Variants in ADAMTS20 observed in about 807,000 individuals in gnomAD.
ADAMTS20 encodes A disintegrin and metalloproteinase with thrombospondin motifs 20.
Under a neutral mutation model 260.1 loss-of-function variants are expected in ADAMTS20, and 225 were observed. The observed-to-expected ratio is 0.87, with a 90% CI of 0.78 to 0.97. The LOEUF (loss-of-function observed/expected upper bound fraction) is 0.97. ADAMTS20 is among the 50% of genes least tolerant of loss of function. ADAMTS20 has a pLI of 0.00. For synonymous variants in ADAMTS20, 802 were observed against 769.5 expected (o/e 1.04, Z -0.70); for missense variants, 2,400 against 2,337.7 (o/e 1.03, Z -0.55).
chr12:43,533,404 G>T (rs1467834787), intron 2 of ADAMTS20, among the ~76,000 whole-genome samples: 8 of 146,616 alleles, frequency 5.5e-5, no homozygotes, highest in South Asian at 2.3e-4. Flanking sequence ...AAATACCTAG[G>T]AATCCAACTT....
intron 27 of ADAMTS20, among the ~76,000 whole-genome samples, chr12:43,426,689 AG>A (rs1284533349): frequency 6.6e-6 from 1 of 152,210 alleles, no homozygotes; most frequent in East Asian, 1.9e-4. Flanking sequence ...TGCATAACTT[AG>A]TAATAGGATT....
chr12:43,437,814 G>GA (rs1241691967), intron 18 of ADAMTS20, among the ~76,000 whole-genome samples: 1 of 151,668 alleles, frequency 6.6e-6, no homozygotes, highest in Non-Finnish European at 1.5e-5. Context: ...AATAATGAAG[G>GA]AAAATCTCAA....
Position 43,432,333 on chromosome 12 carries a change from G to A in ADAMTS20, c.3067C>T (p.Pro1023Ser). Residue 1023 changes from proline to serine, a missense_variant, in exon 21 of 39, where the codon CCC becomes TCC. Physicochemically the swap from Pro to Ser is moderately conservative, Grantham distance 74 (BLOSUM62 -1). Transcript: ENST00000389420. ...CTCCATTCACTAGCAGCCCAACTGG[G>A]ACAGGAAAATTCATTGCAATTCTCT... ...TRENCNEFSC[P>S]SWAASEWSEC... 1 of 1,613,890 alleles carries A rather than the reference G, an allele frequency of 6.2e-7. No individual in the cohort carries two copies. Among genetic ancestry groups the A allele is most frequent in the Non-Finnish European group, 8.5e-7 (1 of 1,179,858 alleles).
intron 18 of ADAMTS20, among the ~76,000 whole-genome samples, chr12:43,434,878 TC>T (rs1272879016): frequency 1.3e-5 from 2 of 152,024 alleles, no homozygotes; most frequent in Non-Finnish European, 2.9e-5. Flanking sequence ...CCTATTCCAG[TC>T]CCACCCAGCT....
chr12:43,373,827 C>T (rs577000652), intron 36 of ADAMTS20, among the ~76,000 whole-genome samples: 1 of 150,976 alleles, frequency 6.6e-6, no homozygotes, highest in East Asian at 1.9e-4. Flanking sequence ...CTACAGGCGC[C>T]CGCCACTACG....
chr12:43,365,360 C>T (rs76856740), intron 37 of ADAMTS20, among the ~76,000 whole-genome samples: 1,871 of 152,042 alleles, frequency 0.012, 20 homozygotes, highest in African/African-American at 0.03. Flanking sequence ...TTATAAAATA[C>T]GCTATAATTG....
intron 4 of ADAMTS20, among the ~76,000 whole-genome samples, chr12:43,498,845 G>A (rs1193655680): frequency 1.3e-5 from 2 of 152,088 alleles, no homozygotes; most frequent in Non-Finnish European, 2.9e-5. Context: ...CAAGTTCCAG[G>A]TAAAACAGGG....
intron 18 of ADAMTS20, among the ~76,000 whole-genome samples, chr12:43,439,187 A>G (rs1021524): frequency 0.33 from 50,749 of 151,746 alleles, 9,021 homozygotes; most frequent in East Asian, 0.75. Context: ...ATACTTTCTC[A>G]TGGTCAGGGA....
chr12:43,448,766 T>C (rs995969452), intron 14 of ADAMTS20, among the ~76,000 whole-genome samples: 2 of 151,960 alleles, frequency 1.3e-5, no homozygotes, highest in East Asian at 1.9e-4. Context: ...ATCCAGCATC[T>C]ATAAGGAACT....
chr12:43,474,938 G>T (rs908257902), intron 7 of ADAMTS20, among the ~76,000 whole-genome samples: 7 of 82,440 alleles, frequency 8.5e-5, no homozygotes, highest in Middle Eastern at 0.013. Flanking sequence ...ACAAGACAGG[G>T]ATGCCCTCTC....
At chr12:43,452,797 A>C in intron 12 of ADAMTS20, 102 bp from the exon 13 acceptor site, 1 of 1,063,584 alleles carries the variant, frequency 9.4e-7, no homozygotes. Flanking sequence ...AAACCAGTGA[A>C]GTCCCACTAA....
chr12:43,438,531 A>C (rs1197056103), intron 18 of ADAMTS20, among the ~76,000 whole-genome samples: 1 of 152,108 alleles, frequency 6.6e-6, no homozygotes, highest in Non-Finnish European at 1.5e-5. Flanking sequence ...ATTTGTTCCC[A>C]TGAAATCATT....
intron 2 of ADAMTS20, among the ~76,000 whole-genome samples, chr12:43,538,024 G>T (rs558584174): frequency 9.2e-5 from 14 of 152,308 alleles, no homozygotes; most frequent in African/African-American, 3.1e-4. Flanking sequence ...TTTCATTTGG[G>T]TGTATACCCA....
intron 33 of ADAMTS20, 43 bp downstream of exon 33, chr12:43,376,481 T>C: frequency 1.9e-6 from 3 of 1,569,874 alleles, no homozygotes; most frequent in Non-Finnish European, 2.6e-6. Context: ...CTGAAACTTA[T>C]TAGAAACCCT....
chr12:43,457,412 G>A (rs1010690419), intron 11 of ADAMTS20, among the ~76,000 whole-genome samples: 3 of 151,778 alleles, frequency 2.0e-5, no homozygotes, highest in Non-Finnish European at 4.4e-5. Flanking sequence ...CTCATATCTT[G>A]GTTTTTTAAT....
chr12:43,452,155 G>C, intron 14 of ADAMTS20, 119 bp downstream of exon 14: 3 of 1,083,908 alleles, frequency 2.8e-6, no homozygotes, highest in Non-Finnish European at 3.8e-6. Flanking sequence ...AGGTTGCTTT[G>C]TTGGAATGCA....
chr12:43,427,558 A>C, intron 26 of ADAMTS20, 89 bp from the exon 27 acceptor site: 1 of 1,251,346 alleles, frequency 8.0e-7, no homozygotes. Flanking sequence ...GCATTGACTC[A>C]ATCAAAATCA....
chr12:43,427,531 G>C (rs529726023), intron 26 of ADAMTS20, 62 bp from the exon 27 acceptor site: 6 of 1,389,880 alleles, frequency 4.3e-6, no homozygotes, highest in Non-Finnish European at 5.7e-6. Flanking sequence ...AATTTACATG[G>C]TAAAAAAAAA....
Position 43,552,008 on chromosome 12 carries a change from T to C in ADAMTS20, c.-87A>G. ...TTCCCTCGCGCTCCGATCCCTCTCC[T>C]CCCTCTCGCCCGCCGCTCTCCGCGC... On this transcript the variant is annotated 5_prime_UTR_variant, in exon 1 of 39. Coordinates refer to ENST00000389420, the MANE Select transcript of ADAMTS20 (RefSeq NM_025003.5). The C allele has an allele frequency of 9.1e-7, 1 of 1,100,964 alleles. No homozygotes were observed. Among genetic ancestry groups the C allele is most frequent in the Non-Finnish European group, 1.3e-6 (1 of 743,392 alleles). 68.2% of individuals were successfully genotyped at this position (1,100,964 alleles called of 1,614,324 possible).
Sources: allele counts gnomAD v4.1 joint callset (sites outside exome capture counted in the v4.1 genomes callset), GRCh38; gene constraint gnomAD v4.1.1; transcripts MANE v1.5; gene names NCBI Gene and HGNC (gene_info 2026-07-23, HGNC 2026-07-21).